Variants in NPTN observed in about 807,000 individuals in gnomAD.
NPTN encodes SDR-1.
Under a neutral mutation model 42.7 loss-of-function variants are expected in NPTN, and 5 were observed. That is an observed-to-expected ratio of 0.12 (90% confidence interval 0.06 to 0.25). NPTN has a LOEUF of 0.25. Among genes scored for constraint, NPTN ranks in the 10% least tolerant of loss-of-function variants. NPTN has a pLI of 1.00. For missense variants in NPTN, 307 were observed against 525.4 expected, an observed-to-expected ratio of 0.58 and a Z score of 4.06; for synonymous variants, 180 against 201.9, an observed-to-expected ratio of 0.89 and a Z score of 0.92.
chr15:73,569,730 AG>A lies in NPTN; in HGVS notation c.1114+419del. The A allele has an allele frequency of 3.0e-6, 3 of 985,458 alleles. No homozygotes were observed. The highest frequency in any genetic ancestry group is 3.6e-6 in the Non-Finnish European group (3 of 829,938). 61.0% of individuals were successfully genotyped at this position (985,458 alleles called of 1,614,324 possible). A position where few individuals can be genotyped will look rare whatever the true frequency, so the allele number is the denominator to read the frequency against. The stretch of plus-strand genomic sequence containing the variant: ...GTTAGATACCTTAAATCTGCCTGAA[AG>A]GCCAGGTGGCCTGCCATCTTGGGGT... On this transcript the variant is annotated intron_variant, in intron 6 of 8. Transcript: ENST00000345330. The surrounding 1 kb of genome is among the most constrained non-coding windows in gnomAD (Gnocchi z 4.1).
At chr15:73,605,839 G>C (rs1374131230) in intron 1 of NPTN, among the ~76,000 whole-genome samples, 1 of 152,004 alleles carries the variant, frequency 6.6e-6, no homozygotes, top group African/African-American at 2.4e-5. Flanking sequence ...TCCTTCCTAT[G>C]ATCCTGAATA....
chr15:73,613,767 C>G (rs540611894), intron 1 of NPTN, among the ~76,000 whole-genome samples: 105 of 152,146 alleles, frequency 6.9e-4, no homozygotes, highest in African/African-American at 2.5e-3. Context: ...CTCACTGCAA[C>G]CTCTGCCTCC....
intron 1 of NPTN, among the ~76,000 whole-genome samples, chr15:73,609,948 T>C (rs1035674278): frequency 6.6e-6 from 1 of 152,224 alleles, no homozygotes; most frequent in South Asian, 2.1e-4. Context: ...TGTATTACTG[T>C]TATAGTAATC....
At chr15:73,619,504 G>A (rs1898027760) in intron 1 of NPTN, among the ~76,000 whole-genome samples, 1 of 152,144 alleles carries the variant, frequency 6.6e-6, no homozygotes, top group Non-Finnish European at 1.5e-5. Flanking sequence ...ATACATTACT[G>A]TAGTATTAGC....
In NPTN at chr15:73,569,108, A is replaced by T; in HGVS notation, c.1114+1042T>A. 1 of 985,760 alleles carries T rather than the reference A, an allele frequency of 1.0e-6. No individual in the cohort carries two copies. The highest frequency in any genetic ancestry group is 1.2e-6 in the Non-Finnish European group (1 of 830,194). 61.1% of individuals were successfully genotyped at this position (985,760 alleles called of 1,614,324 possible). A position where few individuals can be genotyped will look rare whatever the true frequency, so the allele number is the denominator to read the frequency against. The stretch of plus-strand genomic sequence containing the variant: ...TGGCAACCCCACCATCACCCCGGGT[A>T]GGCTACCACTGAGCCCAGGGGCACA... On this transcript the variant is annotated intron_variant, in intron 6 of 8. Transcript: ENST00000345330. The surrounding 1 kb of genome is among the most constrained non-coding windows in gnomAD (Gnocchi z 4.1).
In NPTN at chr15:73,581,754, A is replaced by T. The variant is rs547060596; in HGVS notation, c.706+5770T>A. Among the ~76,000 whole-genome samples, 148 of 152,286 alleles carry T rather than the reference A, an allele frequency of 9.7e-4. 2 individuals carry two copies. The South Asian group carries it at 0.03, about 31-fold the overall frequency. On this transcript the variant is annotated intron_variant, in intron 4 of 8. Coordinates refer to ENST00000345330, the MANE Select transcript of NPTN (RefSeq NM_012428.4). ...AGGCCATGGAGGCACGTTTCAGATG[A>T]TATTAAATAAAGTTAACAGAACAGA...
intron 4 of NPTN, among the ~76,000 whole-genome samples, chr15:73,579,497 T>C (rs932675657): frequency 6.6e-6 from 1 of 151,932 alleles, no homozygotes; most frequent in Admixed American, 6.6e-5. Flanking sequence ...AGCTTTTGCT[T>C]TGGGGACTCA....
Position 73,614,066 on chromosome 15 carries a change from CT to C in NPTN, c.92-16698del, listed in dbSNP as rs536697155. ...GTGGCTCACGCCTATAATCCCAGAA[CT>C]TTGGGAGGCTGGCGCAGGTAGATCA... On this transcript the variant is annotated intron_variant, in intron 1 of 8. Transcript: ENST00000345330. 2.1e-3 allele frequency among the ~76,000 whole-genome samples: 315 copies of C among 151,512 alleles called. 2 individuals carry two copies. The highest frequency in any genetic ancestry group is 7.3e-3 in the African/African-American group (300 of 41,304).
intron 4 of NPTN, among the ~76,000 whole-genome samples, chr15:73,582,479 T>G (rs1221851741): frequency 2.0e-5 from 3 of 152,194 alleles, no homozygotes; most frequent in African/African-American, 7.2e-5. Context: ...GATTTATCAT[T>G]GGTTGTGAAC....
At position 73,616,447 on chromosome 15, in the gene NPTN, C is replaced by T. The variant is rs74939173; in HGVS notation, c.91+16678G>A. ...ATCTAATTCTTGCCCCAAATTAACA[C>T]TCAGATATACCACGGGCCAAAGAGG... is the stretch of plus-strand genomic sequence containing the variant. On this transcript the variant is annotated intron_variant, in intron 1 of 8. Coordinates refer to ENST00000345330, the MANE Select transcript of NPTN (RefSeq NM_012428.4). Among the ~76,000 whole-genome samples the T allele has an allele frequency of 5.0e-3, 754 of 152,258 alleles. 4 individuals carry two copies. The highest frequency in any genetic ancestry group is 0.017 in the African/African-American group (717 of 41,544).
At chr15:73,591,839 G>A (rs1412638917) in intron 3 of NPTN, 127 bp downstream of exon 3, 3 of 819,114 alleles carry the variant, frequency 3.7e-6, no homozygotes, top group East Asian at 2.6e-5. Context: ...ATACTGGATT[G>A]GACTCTCAAA....
At chr15:73,587,962 C>T (rs1024364655) in intron 3 of NPTN, among the ~76,000 whole-genome samples, 40 of 152,192 alleles carry the variant, frequency 2.6e-4, no homozygotes, top group African/African-American at 8.9e-4. Context: ...ACCATCACGG[C>T]TGGGCACAGT....
intron 4 of NPTN, among the ~76,000 whole-genome samples, chr15:73,582,445 A>T (rs1896097306): frequency 6.6e-6 from 1 of 152,184 alleles, no homozygotes; most frequent in Non-Finnish European, 1.5e-5. Context: ...CTTTTGGCTC[A>T]ACAAGCATTC....
chr15:73,569,925 A>G lies in NPTN; in HGVS notation c.1114+225T>C. On this transcript the variant is annotated intron_variant, in intron 6 of 8. Transcript: ENST00000345330. The surrounding 1 kb of genome is among the most constrained non-coding windows in gnomAD (Gnocchi z 4.1). ...AACACCCAAACAGAGGGAGAGAGCTAAGGACAGCTCTAGATGGCTAATGCA... is the reference window on the plus strand; with the variant it reads ...AACACCCAAACAGAGGGAGAGAGCTGAGGACAGCTCTAGATGGCTAATGCA... 2.1e-6 allele frequency: 1 copy of G among 479,594 alleles called. No individual in the cohort carries two copies. The highest frequency in any genetic ancestry group is 2.7e-6 in the Non-Finnish European group (1 of 367,814). The allele number at this position is 479,594 out of a possible 1,614,324, so 29.7% of individuals were successfully genotyped here.
At chr15:73,573,960 G>T (rs1024724873) in intron 4 of NPTN, among the ~76,000 whole-genome samples, 165 bp from the exon 5 acceptor site, 1 of 152,134 alleles carries the variant, frequency 6.6e-6, no homozygotes, top group Non-Finnish European at 1.5e-5. Flanking sequence ...AGGGTAAAGG[G>T]ACCAAACCCA....
In NPTN at chr15:73,569,125, A is replaced by G. The variant is rs1204126064; in HGVS notation, c.1114+1025T>C. The G allele has an allele frequency of 1.0e-6, 1 of 985,520 alleles. No homozygotes were observed. The allele number at this position is 985,520 out of a possible 1,614,324, so 61.0% of individuals were successfully genotyped here. A position where few individuals can be genotyped will look rare whatever the true frequency, so the allele number is the denominator to read the frequency against. On this transcript the variant is annotated intron_variant, in intron 6 of 8. Coordinates refer to ENST00000345330, the MANE Select transcript of NPTN (RefSeq NM_012428.4). The surrounding 1 kb of genome is among the most constrained non-coding windows in gnomAD (Gnocchi z 4.1). ...CCCCGGGTAGGCTACCACTGAGCCC[A>G]GGGGCACACCCATCTGTCTAGTCTA...
chr15:73,563,543 A>G (rs1174514603), intron 6 of NPTN: 1 of 1,230,554 alleles, frequency 8.1e-7, no homozygotes, highest in Non-Finnish European at 1.0e-6. Context: ...AGGCTGCAAC[A>G]TTGTTATACT....
chr15:73,607,412 C>T (rs915594219), intron 1 of NPTN, among the ~76,000 whole-genome samples: 2 of 152,098 alleles, frequency 1.3e-5, no homozygotes. Context: ...GTTAAGATAC[C>T]AAAATTCATC....
chr15:73,611,133 A>ACACAG (rs1897557692), intron 1 of NPTN, among the ~76,000 whole-genome samples: 1 of 152,228 alleles, frequency 6.6e-6, no homozygotes, highest in Admixed American at 6.5e-5. Context: ...ATTTGGTATG[A>ACACAG]CACAGTTTAT....
Sources: allele counts gnomAD v4.1 joint callset (sites outside exome capture counted in the v4.1 genomes callset), GRCh38; gene constraint gnomAD v4.1.1; non-coding constraint Gnocchi (gnomAD v3.1); transcripts MANE v1.5; gene names NCBI Gene and HGNC (gene_info 2026-07-23, HGNC 2026-07-21).